The following PDE4B variants were observed in gnomAD, a reference collection of about 807,000 sequenced individuals.
The protein encoded by PDE4B is 3',5'-cyclic-AMP phosphodiesterase 4B.
In PDE4B, 20 loss-of-function variants were observed where a neutral mutation model predicts 82.2. The ratio of observed to expected loss-of-function variants is 0.24; its 90% CI spans 0.17 to 0.35. PDE4B has a LOEUF of 0.35. Ranked by LOEUF, PDE4B falls within the 10% of genes least tolerant of loss-of-function variation. The probability of loss-of-function intolerance (pLI) is 1.00; values close to 1 mark genes in which losing one functional copy is unlikely to be tolerated. For missense variants in PDE4B, 655 were observed against 907.2 expected, an observed-to-expected ratio of 0.72 and a Z score of 3.57; for synonymous variants, 320 against 318.9, an observed-to-expected ratio of 1.00 and a Z score of -0.04.
intron 3 of PDE4B, among the ~76,000 whole-genome samples, chr1:66,205,932 C>T (rs1200429405): frequency 1.3e-5 from 2 of 152,148 alleles, no homozygotes; most frequent in Admixed American, 6.5e-5. Context: ...CAGTCCTGCC[C>T]CTCCCCTTGC....
chr1:65,959,996 C>T (rs929770846), intron 3 of PDE4B, among the ~76,000 whole-genome samples: 9 of 152,108 alleles, frequency 5.9e-5, no homozygotes, highest in Non-Finnish European at 8.8e-5. Context: ...CGGGCATGAG[C>T]CACGTGCCTG....
intron 1 of PDE4B, among the ~76,000 whole-genome samples, chr1:65,886,376 T>C (rs1015909082): frequency 3.9e-5 from 6 of 152,158 alleles, no homozygotes; most frequent in African/African-American, 1.4e-4. Flanking sequence ...TTTCTATGTA[T>C]TAGGAACATT....
chr1:66,210,611 A>AG (rs953790674), intron 3 of PDE4B, among the ~76,000 whole-genome samples: 7 of 150,644 alleles, frequency 4.6e-5, no homozygotes, highest in South Asian at 4.2e-4. Context: ...AAAAAAAAAA[A>AG]AAAAAAAAGA....
At chr1:65,904,179 T>C (rs1353870133) in intron 1 of PDE4B, among the ~76,000 whole-genome samples, 1 of 152,160 alleles carries the variant, frequency 6.6e-6, no homozygotes, top group Admixed American at 6.6e-5. Flanking sequence ...ACCAAATTAC[T>C]GTCTGTGTCC....
intron 1 of PDE4B, among the ~76,000 whole-genome samples, chr1:65,824,935 C>T (rs1464364669): frequency 6.6e-6 from 1 of 152,144 alleles, no homozygotes; most frequent in African/African-American, 2.4e-5. Flanking sequence ...AACAAAGTTA[C>T]ATTAAACACA....
At chr1:66,323,400 A>C (rs575249740) in intron 7 of PDE4B, among the ~76,000 whole-genome samples, 1 of 152,120 alleles carries the variant, frequency 6.6e-6, no homozygotes, top group Non-Finnish European at 1.5e-5. Context: ...AGCATTCTAC[A>C]CTTCTTAGTA....
At chr1:65,872,774 G>A (rs547860206) in intron 1 of PDE4B, among the ~76,000 whole-genome samples, 12 of 152,192 alleles carry the variant, frequency 7.9e-5, no homozygotes, top group South Asian at 6.2e-4. Context: ...TATAATAAAG[G>A]CATTTGTGTA....
chr1:66,367,878 C>T, intron 14 of PDE4B, 28 bp downstream of exon 14: 1 of 1,612,614 alleles, frequency 6.2e-7, no homozygotes, highest in Non-Finnish European at 8.5e-7. Flanking sequence ...CTACATTCCT[C>T]ACTTACTGCC....
At chr1:66,014,157 G>T (rs1652642876) in intron 3 of PDE4B, among the ~76,000 whole-genome samples, 1 of 152,022 alleles carries the variant, frequency 6.6e-6, no homozygotes, top group South Asian at 2.1e-4. Flanking sequence ...TGTTGTTGTT[G>T]AGTTGTAGGA....
intron 8 of PDE4B, among the ~76,000 whole-genome samples, chr1:66,336,589 G>T (rs1336083422): frequency 6.6e-6 from 1 of 152,176 alleles, no homozygotes; most frequent in Non-Finnish European, 1.5e-5. Context: ...CAGAACAAAG[G>T]TTGGGTGCTG....
chr1:66,212,623 C>G (rs1173294492), intron 3 of PDE4B, among the ~76,000 whole-genome samples: 13 of 152,128 alleles, frequency 8.5e-5, no homozygotes. Flanking sequence ...TCTTTCCCCC[C>G]ACCAGAATGT....
rs533072688 is a variant in PDE4B, at chr1:66,284,424, T to A, written c.634+18337T>A. On this transcript the variant is annotated intron_variant, in intron 7 of 16. Coordinates refer to ENST00000341517, the MANE Select transcript of PDE4B (RefSeq NM_002600.4). ...AAGGTATAAGATATATGATTTGAAC[T>A]CTGCCTTAAAGAATAGATAGTATTT... 7.9e-5 allele frequency among the ~76,000 whole-genome samples: 12 copies of A among 152,308 alleles called. No homozygotes were observed. The South Asian group carries it at 1.9e-3, about 24-fold the overall frequency.
chr1:66,014,281 T>G (rs1001905367), intron 3 of PDE4B, among the ~76,000 whole-genome samples: 6 of 152,134 alleles, frequency 3.9e-5, no homozygotes, highest in African/African-American at 1.4e-4. Context: ...ATGCACAGAA[T>G]TTTTACATTT....
rs929458201 is a variant in PDE4B, at chr1:66,052,218, G to T, written c.281+133383G>T. On this transcript the variant is annotated intron_variant, in intron 3 of 16. Transcript: ENST00000341517. Reference sequence around the variant, plus strand: ...TCATATGGATAAATATTTTCTATTTGAAATGTCCGTAAAGTTTTACTTTTA... The same window carrying T: ...TCATATGGATAAATATTTTCTATTTTAAATGTCCGTAAAGTTTTACTTTTA... Among the ~76,000 whole-genome samples, 18 of 152,242 alleles carry T rather than the reference G, an allele frequency of 1.2e-4. No individual in the cohort carries two copies. The South Asian group carries it at 1.2e-3, about 11-fold the overall frequency.
In PDE4B at chr1:66,065,383, A is replaced by T. The variant is rs1655791064; in HGVS notation, c.281+146548A>T. On this transcript the variant is annotated intron_variant, in intron 3 of 16. Transcript: ENST00000341517. ...AAAATGCATACTTTAGAATTAATGA[A>T]TAATATGTGTGGTGGGTGTATTTCA... Among the ~76,000 whole-genome samples, 3 of 151,988 alleles carry T rather than the reference A, an allele frequency of 2.0e-5. No individual in the cohort carries two copies. In the South Asian group the frequency reaches 6.2e-4, roughly 31 times the overall value.
At chr1:66,335,111 T>C (rs1660416311) in intron 8 of PDE4B, among the ~76,000 whole-genome samples, 3 of 152,260 alleles carry the variant, frequency 2.0e-5, no homozygotes, top group African/African-American at 7.2e-5. Context: ...TATGTAGTCT[T>C]ATTTGGCCAT....
intron 3 of PDE4B, among the ~76,000 whole-genome samples, chr1:66,037,659 A>G (rs1318690286): frequency 6.6e-6 from 1 of 152,146 alleles, no homozygotes; most frequent in African/African-American, 2.4e-5. Context: ...CTATGTTGAA[A>G]AGAAGTGATG....
chr1:65,963,018 A>G (rs758145516), intron 3 of PDE4B, among the ~76,000 whole-genome samples: 4 of 152,168 alleles, frequency 2.6e-5, no homozygotes, highest in Non-Finnish European at 5.9e-5. Flanking sequence ...GTCGATTTCC[A>G]TGTTGTAAAT....
chr1:66,151,191 G>C (rs1013437295), intron 3 of PDE4B, among the ~76,000 whole-genome samples: 4 of 152,090 alleles, frequency 2.6e-5, no homozygotes, highest in Admixed American at 2.6e-4. Flanking sequence ...GGTGTTTCGT[G>C]GAACAAAGGA....
Sources: gnomAD v4.1 joint callset for allele counts (sites outside exome capture counted in the v4.1 genomes callset) on GRCh38, gnomAD v4.1.1 for gene constraint, MANE v1.5 for transcripts, NCBI Gene and HGNC (gene_info 2026-07-23, HGNC 2026-07-21) for gene names.